The following SLC24A2 variants were observed in gnomAD, a reference collection of about 807,000 sequenced individuals.
SLC24A2 encodes the protein solute carrier family 24 member 2.
A neutral mutation model predicts 62.0 loss-of-function variants in SLC24A2; 36 were observed. The observed-to-expected ratio is 0.58, with a 90% CI of 0.44 to 0.77. The LOEUF (loss-of-function observed/expected upper bound fraction) is 0.77, where lower values mean the gene tolerates loss of function less well. Among genes scored for constraint, SLC24A2 ranks in the 30% least tolerant of loss-of-function variants. SLC24A2 has a pLI of 0.00. For synonymous variants in SLC24A2, 358 were observed against 294.0 expected (o/e 1.22, Z -2.23); for missense variants, 846 against 817.9 (o/e 1.03, Z -0.42).
At chr9:19,994,207 T>C in the SLC24A2 span, among the ~76,000 whole-genome samples, 1 of 152,152 alleles carries the variant, frequency 6.6e-6, no homozygotes, top group African/African-American at 2.4e-5. Flanking sequence ...GGAAAGACAC[T>C]GCAAAGTCTC....
chr9:20,002,447 C>T, the SLC24A2 span, among the ~76,000 whole-genome samples: 13 of 147,954 alleles, frequency 8.8e-5, no homozygotes, highest in African/African-American at 3.2e-4. Flanking sequence ...GGAAAATCTA[C>T]TCAGGGTATA....
the SLC24A2 span, among the ~76,000 whole-genome samples, chr9:20,122,930 T>C: frequency 1.3e-5 from 2 of 152,216 alleles, no homozygotes; most frequent in South Asian, 2.1e-4. Flanking sequence ...AGTCAATAAA[T>C]GTCATTCCTG....
At chr9:20,272,042 G>C in the SLC24A2 span, among the ~76,000 whole-genome samples, 226 of 152,238 alleles carry the variant, frequency 1.5e-3, 5 homozygotes, top group East Asian at 0.04. Flanking sequence ...ACATTTTGTG[G>C]TTTAGGGTCA....
the SLC24A2 span, among the ~76,000 whole-genome samples, chr9:20,092,634 C>T: frequency 3.3e-5 from 5 of 152,106 alleles, no homozygotes; most frequent in African/African-American, 9.7e-5. Flanking sequence ...TCAAGGTGTA[C>T]AATGTGATGA....
At chr9:20,013,351 A>G in the SLC24A2 span, among the ~76,000 whole-genome samples, 1 of 152,194 alleles carries the variant, frequency 6.6e-6, no homozygotes, top group African/African-American at 2.4e-5. Flanking sequence ...AAAACCAAAT[A>G]CATACATTCA....
chr9:19,813,822 C>T, the SLC24A2 span, among the ~76,000 whole-genome samples: 2 of 152,094 alleles, frequency 1.3e-5, no homozygotes. Flanking sequence ...CTAGTCCTTT[C>T]CACCATGTGA....
chr9:20,227,440 G>C, the SLC24A2 span, among the ~76,000 whole-genome samples: 1 of 151,086 alleles, frequency 6.6e-6, no homozygotes. Context: ...GCTCAACCAT[G>C]TGAGGTGAAG....
the SLC24A2 span, among the ~76,000 whole-genome samples, chr9:20,019,111 A>AGAGAGAGAGAGAGAC: frequency 8.1e-5 from 2 of 24,722 alleles, no homozygotes; most frequent in African/African-American, 3.0e-4. Context: ...GATAGAAAGA[A>AGAGAGAGAGAGAGAC]AGAAAGAAAG....
At chr9:19,885,788 C>T in the SLC24A2 span, among the ~76,000 whole-genome samples, 1 of 152,020 alleles carries the variant, frequency 6.6e-6, no homozygotes, top group African/African-American at 2.4e-5. Context: ...TGTATTATTC[C>T]CCTGTATCTA....
At chr9:19,600,103 C>T (rs1394072459) in intron 4 of SLC24A2, among the ~76,000 whole-genome samples, 1 of 152,178 alleles carries the variant, frequency 6.6e-6, no homozygotes, top group Non-Finnish European at 1.5e-5. Context: ...CTGTGAATGT[C>T]ATTCTGGGTA....
At chr9:20,204,380 G>A in the SLC24A2 span, among the ~76,000 whole-genome samples, 1 of 152,188 alleles carries the variant, frequency 6.6e-6, no homozygotes, top group African/African-American at 2.4e-5. Context: ...ATAAACAGAA[G>A]AATCTACAAG....
intron 2 of SLC24A2, among the ~76,000 whole-genome samples, chr9:19,694,459 T>G (rs920648086): frequency 6.6e-6 from 1 of 152,162 alleles, no homozygotes; most frequent in African/African-American, 2.4e-5. Context: ...CGAGGACTTA[T>G]AATTTATTTT....
chr9:20,212,628 A>G, the SLC24A2 span, among the ~76,000 whole-genome samples: 18 of 151,926 alleles, frequency 1.2e-4, 2 homozygotes, highest in African/African-American at 4.4e-4. Flanking sequence ...AGAAAGATCA[A>G]TAACGCCAGG....
At chr9:20,297,845 G>A in the SLC24A2 span, among the ~76,000 whole-genome samples, 5 of 152,162 alleles carry the variant, frequency 3.3e-5, no homozygotes, top group African/African-American at 4.8e-5. Context: ...ACAGCCCCAC[G>A]CTCCACCCCC....
the SLC24A2 span, among the ~76,000 whole-genome samples, chr9:20,162,660 G>A: frequency 6.6e-6 from 1 of 151,716 alleles, no homozygotes; most frequent in Non-Finnish European, 1.5e-5. Flanking sequence ...TACCAAAGCT[G>A]GGCAGAGACA....
intron 9 of SLC24A2, among the ~76,000 whole-genome samples, chr9:19,524,068 C>G (rs1395934233): frequency 7.4e-6 from 1 of 135,666 alleles, no homozygotes; most frequent in Non-Finnish European, 1.5e-5. Context: ...AATCAGGGAG[C>G]ATCAGAGAGG....
chr9:20,119,985 G>C, the SLC24A2 span, among the ~76,000 whole-genome samples: 2 of 152,152 alleles, frequency 1.3e-5, no homozygotes, highest in Non-Finnish European at 2.9e-5. Context: ...ACTGGGCTGA[G>C]ATCAAGAGCA....
rs142117893 is a variant in SLC24A2 at position 19,672,933 on chromosome 9, G to A, written c.931-50634C>T. Among the ~76,000 whole-genome samples the A allele has an allele frequency of 1.4e-5, 2 of 146,186 alleles. 1 individual carries two copies. Among genetic ancestry groups the A allele is most frequent in the Non-Finnish European group, 3.0e-5 (2 of 67,424 alleles). On this transcript the variant is annotated intron_variant, in intron 2 of 10. Coordinates refer to ENST00000341998, the MANE Select transcript of SLC24A2 (RefSeq NM_020344.4). ...AAACTTCAGTTTTCTTAAATTTATTGAGACTTGTTTTATGGCCTATCATAT... is the reference window on the plus strand; with the variant it reads ...AAACTTCAGTTTTCTTAAATTTATTAAGACTTGTTTTATGGCCTATCATAT...
At chr9:19,688,263 G>A (rs1463161375) in intron 2 of SLC24A2, among the ~76,000 whole-genome samples, 1 of 152,104 alleles carries the variant, frequency 6.6e-6, no homozygotes, top group Non-Finnish European at 1.5e-5. Context: ...ATTACTGATT[G>A]TGTGGCTTTA....
Sources: allele counts gnomAD v4.1 joint callset (sites outside exome capture counted in the v4.1 genomes callset), GRCh38; gene constraint gnomAD v4.1.1; transcripts MANE v1.5; gene names NCBI Gene and HGNC (gene_info 2026-07-23, HGNC 2026-07-21).